NBEAL1: variants seen among roughly 807,000 people sequenced by gnomAD.
NBEAL1 encodes neurobeachin like 1.
NBEAL1 carries 273 observed loss-of-function variants against 351.3 expected under a neutral mutation model. The ratio of observed to expected loss-of-function variants is 0.78; its 90% CI spans 0.70 to 0.86. The LOEUF is 0.86. NBEAL1 is among the 40% of genes least tolerant of loss of function. NBEAL1 has a pLI of 0.00. For synonymous variants in NBEAL1, 1,050 were observed against 1,086.4 expected, an observed-to-expected ratio of 0.97 and a Z score of 0.66; for missense variants, 2,961 against 3,201.3, an observed-to-expected ratio of 0.92 and a Z score of 1.81.
intron 8 of NBEAL1, among the ~76,000 whole-genome samples, chr2:203,082,449 A>G (rs1427814154): frequency 6.6e-6 from 1 of 152,204 alleles, no homozygotes; most frequent in Non-Finnish European, 1.5e-5. Flanking sequence ...TAATTCAGAT[A>G]ATTTTGCATG....
rs376833938 is a variant in NBEAL1 at position 203,091,371 on chromosome 2, T to G, written c.1099-6176T>G. On this transcript the variant is annotated intron_variant, in intron 10 of 55. Coordinates refer to ENST00000683969, the MANE Select transcript of NBEAL1 (RefSeq NM_001378026.1). ...TTGTATGTATATACCACATTTTGCT[T>G]ATTCATCCATCAGTGGACATTTGGG... is the stretch of plus-strand genomic sequence containing the variant. Among the ~76,000 whole-genome samples, 4 of 152,346 alleles carry G rather than the reference T, an allele frequency of 2.6e-5. No homozygotes were observed. The East Asian group carries it at 5.8e-4, about 22-fold the overall frequency.
At chr2:203,193,753 A>T (rs750115367) in intron 46 of NBEAL1, 42 bp from the exon 47 acceptor site, 75 of 1,326,968 alleles carry the variant, frequency 5.7e-5, no homozygotes, top group Admixed American at 2.8e-4. Flanking sequence ...AGAGATTAAT[A>T]ACATAGATAT....
intron 12 of NBEAL1, among the ~76,000 whole-genome samples, chr2:203,103,704 T>G (rs2062376082): frequency 6.6e-6 from 1 of 152,210 alleles, no homozygotes; most frequent in Non-Finnish European, 1.5e-5. Flanking sequence ...GTTAGGTTGT[T>G]GGATTTGCAG....
intron 31 of NBEAL1, among the ~76,000 whole-genome samples, chr2:203,141,942 T>C (rs2063392670): frequency 6.6e-6 from 1 of 152,168 alleles, no homozygotes; most frequent in Non-Finnish European, 1.5e-5. Flanking sequence ...TTTCCCAGCT[T>C]CTTTCAAAAA....
At chr2:203,189,903 G>T (rs1004480240) in intron 45 of NBEAL1, among the ~76,000 whole-genome samples, 2 of 151,398 alleles carry the variant, frequency 1.3e-5, no homozygotes, top group Admixed American at 1.3e-4. Flanking sequence ...TGGGAGGCTG[G>T]GGCAGGCAGA....
intron 18 of NBEAL1, among the ~76,000 whole-genome samples, chr2:203,121,676 T>C (rs1162282205): frequency 6.6e-6 from 1 of 151,418 alleles, no homozygotes; most frequent in South Asian, 2.1e-4. Context: ...AAAACATCAC[T>C]GTGGCTGGCG....
At chr2:203,175,375 C>G (rs1429852284) in intron 42 of NBEAL1, 88 bp downstream of exon 42, 2 of 1,286,868 alleles carry the variant, frequency 1.6e-6, no homozygotes, top group African/African-American at 3.0e-5. Context: ...TGTAACATGT[C>G]TTTTTTATTC....
In NBEAL1 at chr2:203,184,034, C is replaced by T. The variant is rs536570064; in HGVS notation, c.6705+646C>T. On this transcript the variant is annotated intron_variant, in intron 44 of 55. Coordinates refer to ENST00000683969, the MANE Select transcript of NBEAL1 (RefSeq NM_001378026.1). ...CTGAGGTTGCAGTGAGCTGAGATCA[C>T]GCCGTTGCATTCCAGCCCAGGCGAC... Among the ~76,000 whole-genome samples, 9 of 144,424 alleles carry T rather than the reference C, an allele frequency of 6.2e-5. No individual in the cohort carries two copies. The East Asian group carries it at 1.2e-3, about 20-fold the overall frequency. 94.7% of individuals were successfully genotyped at this position (144,424 alleles called of 152,430 possible).
intron 2 of NBEAL1, among the ~76,000 whole-genome samples, chr2:203,037,862 G>A (rs1451789687): frequency 2.7e-5 from 4 of 149,158 alleles, no homozygotes; most frequent in African/African-American, 9.8e-5. Flanking sequence ...TGCTGAGGCA[G>A]GAGGATTCCT....
Position 203,209,305 on chromosome 2 carries a change from G to A in NBEAL1, c.7768G>A (p.Glu2590Lys). Residue 2590 changes from glutamate (E) to lysine (K), a missense_variant, in exon 53 of 56, where the codon GAA becomes AAA. Glu to Lys is a moderately conservative substitution (Grantham distance 56, BLOSUM62 1). Coordinates refer to ENST00000683969, the MANE Select transcript of NBEAL1 (RefSeq NM_001378026.1). ...GHIVVYSSTE[E>K]KTTLKDKNAL... The stretch of plus-strand genomic sequence containing the variant: ...TATTGTTGTCTACTCCAGCACTGAA[G>A]AAAAGACCACCCTCAAGGTATATGA... 1 of 1,613,722 alleles carries A rather than the reference G, an allele frequency of 6.2e-7. No homozygotes were observed. The highest frequency in any genetic ancestry group is 2.2e-5 in the East Asian group (1 of 44,836).
intron 5 of NBEAL1, among the ~76,000 whole-genome samples, chr2:203,057,003 G>C (rs1391386502): frequency 6.6e-6 from 1 of 152,106 alleles, no homozygotes; most frequent in Non-Finnish European, 1.5e-5. Context: ...TAGACAAGTA[G>C]TTATTATATA....
At position 203,048,380 on chromosome 2, in the gene NBEAL1, CAAA is replaced by C. The variant is rs56116456; in HGVS notation, c.144-1416_144-1414del. On this transcript the variant is annotated intron_variant, in intron 3 of 55. Coordinates refer to ENST00000683969, the MANE Select transcript of NBEAL1 (RefSeq NM_001378026.1). The stretch of plus-strand genomic sequence containing the variant: ...CTGGCAACACAGCGAGACTCCATCT[CAAA>C]AAAAAAAAAAAAAAAAATCCATGCT... 1.5e-3 allele frequency among the ~76,000 whole-genome samples: 180 copies of C among 117,010 alleles called. 1 individual carries two copies. Among genetic ancestry groups the C allele is most frequent in the Middle Eastern group, 4.1e-3 (1 of 244 alleles). The allele number at this position is 117,010 out of a possible 152,430, so 76.8% of individuals were successfully genotyped here. A position where few individuals can be genotyped will look rare whatever the true frequency, so the allele number is the denominator to read the frequency against.
intron 47 of NBEAL1, among the ~76,000 whole-genome samples, chr2:203,196,577 G>C (rs529449377): frequency 1.2e-4 from 18 of 152,266 alleles, no homozygotes; most frequent in Admixed American, 1.0e-3. Flanking sequence ...AACGTAAAGA[G>C]AAAAGATAAT....
At chr2:203,196,699 T>C (rs1033641428) in intron 47 of NBEAL1, among the ~76,000 whole-genome samples, 18 of 152,346 alleles carry the variant, frequency 1.2e-4, no homozygotes, top group African/African-American at 4.3e-4. Context: ...AATAATGTTA[T>C]CATTTACCTA....
chr2:203,108,902 C>T (rs1321826955), intron 14 of NBEAL1, among the ~76,000 whole-genome samples: 2 of 151,996 alleles, frequency 1.3e-5, no homozygotes, highest in Non-Finnish European at 2.9e-5. Flanking sequence ...TAAAAATTAG[C>T]CAGGTGTGGT....
At chr2:203,180,563 C>T in intron 43 of NBEAL1, 51 bp downstream of exon 43, 2 of 1,512,646 alleles carry the variant, frequency 1.3e-6, no homozygotes, top group Non-Finnish European at 1.8e-6. Context: ...ATGGAGGAGC[C>T]TCAAAAATGT....
intron 33 of NBEAL1, among the ~76,000 whole-genome samples, chr2:203,145,931 T>A: frequency 2.2e-5 from 3 of 137,694 alleles, no homozygotes; most frequent in African/African-American, 2.7e-5. Flanking sequence ...ATAGAGAAAA[T>A]CAATGAAACC....
intron 33 of NBEAL1, among the ~76,000 whole-genome samples, chr2:203,145,992 T>C (rs1165867913): frequency 6.7e-6 from 1 of 150,112 alleles, no homozygotes; most frequent in Non-Finnish European, 1.5e-5. Context: ...TCTAGCAAGA[T>C]TGACAAAAAA....
chr2:203,118,691 A>G (rs1427402210), intron 18 of NBEAL1, among the ~76,000 whole-genome samples: 1 of 151,590 alleles, frequency 6.6e-6, no homozygotes, highest in African/African-American at 2.4e-5. Context: ...TCCCAGGTTC[A>G]AGCGATTCTC....
Sources: gnomAD v4.1 joint callset for allele counts (sites outside exome capture counted in the v4.1 genomes callset) on GRCh38, gnomAD v4.1.1 for gene constraint, MANE v1.5 for transcripts, NCBI Gene and HGNC (gene_info 2026-07-23, HGNC 2026-07-21) for gene names.